Variants in GRK5 observed in about 807,000 individuals in gnomAD.
The protein encoded by GRK5 is g protein-coupled receptor kinase GRK5.
Under a neutral mutation model 78.4 loss-of-function variants are expected in GRK5, and 40 were observed. The ratio of observed to expected loss-of-function variants is 0.51; its 90% CI spans 0.40 to 0.66. The LOEUF is 0.66. Among genes scored for constraint, GRK5 ranks in the 30% least tolerant of loss-of-function variants. The probability of loss-of-function intolerance (pLI) is 0.00; values close to 1 mark genes in which losing one functional copy is unlikely to be tolerated. For missense variants in GRK5, 598 were observed against 759.9 expected (o/e 0.79, Z 2.50); for synonymous variants, 289 against 296.8 (o/e 0.97, Z 0.27).
At chr10:119,277,600 A>G (rs1849690768) in intron 1 of GRK5, among the ~76,000 whole-genome samples, 1 of 152,220 alleles carries the variant, frequency 6.6e-6, no homozygotes, top group African/African-American at 2.4e-5. Context: ...AGCCACACAT[A>G]TTTAAAGAAT....
intron 2 of GRK5, among the ~76,000 whole-genome samples, chr10:119,371,001 A>G (rs7912371): frequency 0.035 from 4,010 of 114,016 alleles, 99 homozygotes; most frequent in South Asian, 0.11. Flanking sequence ...CACAACCTTT[A>G]CAATCAACAT....
chr10:119,338,393 A>G (rs1395755118), intron 2 of GRK5, among the ~76,000 whole-genome samples: 1 of 152,206 alleles, frequency 6.6e-6, no homozygotes, highest in East Asian at 1.9e-4. Flanking sequence ...AAAGAAAGTC[A>G]CCGCTAATTT....
chr10:119,311,914 A>ACTTTTTTTTTTTT (rs34048341), intron 1 of GRK5, among the ~76,000 whole-genome samples: 6 of 137,814 alleles, frequency 4.4e-5, no homozygotes, highest in African/African-American at 5.5e-5. Flanking sequence ...TGAATTGTTC[A>ACTTTTTTTTTTTT]TTTTTTTTTT....
intron 1 of GRK5, among the ~76,000 whole-genome samples, chr10:119,293,059 A>T (rs1230880946): frequency 2.0e-5 from 3 of 152,232 alleles, no homozygotes; most frequent in Non-Finnish European, 2.9e-5. Flanking sequence ...AGCCGTATGA[A>T]CAAGAATTTT....
At chr10:119,234,748 A>G (rs1174553307) in intron 1 of GRK5, among the ~76,000 whole-genome samples, 1 of 151,026 alleles carries the variant, frequency 6.6e-6, no homozygotes, top group African/African-American at 2.4e-5. Flanking sequence ...GCTGGAGTGC[A>G]GTGGCACGAT....
At position 119,378,511 on chromosome 10, in the gene GRK5, A is replaced by T. The variant is rs1246814327; in HGVS notation, c.149-2304A>T. Among the ~76,000 whole-genome samples, 1 of 152,242 alleles carries T rather than the reference A, an allele frequency of 6.6e-6. No homozygotes were observed. The highest frequency in any genetic ancestry group is 1.5e-5 in the Non-Finnish European group (1 of 68,038). ...TCCCAAAAAAACCTTGCCCTCAGGT[A>T]GGTTACCCATGAAAGAAGGGGGCCT... is the stretch of plus-strand genomic sequence containing the variant. On this transcript the variant is annotated intron_variant, in intron 2 of 15. Transcript: ENST00000392870. The surrounding 1 kb of genome is among the most constrained non-coding windows in gnomAD (Gnocchi z 4.5).
At chr10:119,332,712 C>T (rs1246104307) in intron 2 of GRK5, among the ~76,000 whole-genome samples, 1 of 152,008 alleles carries the variant, frequency 6.6e-6, no homozygotes, top group Non-Finnish European at 1.5e-5. Context: ...ATCTTGGATC[C>T]TTCCCTCCTC....
chr10:119,281,948 A>G (rs1420314796), intron 1 of GRK5, among the ~76,000 whole-genome samples: 2 of 152,072 alleles, frequency 1.3e-5, no homozygotes, highest in Non-Finnish European at 2.9e-5. Context: ...AATCCTGGAG[A>G]CATCTGTTGA....
Position 119,425,202 on chromosome 10 carries a change from C to A in GRK5, c.533+117C>A. The A allele has an allele frequency of 2.9e-6, 2 of 684,906 alleles. 1 individual carries two copies. Among genetic ancestry groups the A allele is most frequent in the Admixed American group, 4.4e-5 (2 of 45,136 alleles). 42.4% of individuals were successfully genotyped at this position (684,906 alleles called of 1,614,324 possible). Reference sequence around the variant, plus strand: ...GCTCATGGTTAAAACAAAATTAACCCGACTCCCCCTGTTAATTAAGTTGTG... The same window carrying A: ...GCTCATGGTTAAAACAAAATTAACCAGACTCCCCCTGTTAATTAAGTTGTG... On this transcript the variant is annotated intron_variant, in intron 6 of 15. Transcript: ENST00000392870.
At chr10:119,441,257 G>A (rs994649713) in intron 10 of GRK5, among the ~76,000 whole-genome samples, 5 of 152,300 alleles carry the variant, frequency 3.3e-5, no homozygotes, top group South Asian at 2.1e-4. Flanking sequence ...CCAGCCTGGC[G>A]GGGTCTCGAC....
intron 2 of GRK5, among the ~76,000 whole-genome samples, chr10:119,353,499 C>G (rs986474111): frequency 6.6e-6 from 1 of 152,226 alleles, no homozygotes; most frequent in African/African-American, 2.4e-5. Flanking sequence ...TCCTTGGCAA[C>G]ACTGTTAGAC....
chr10:119,348,440 T>C (rs978395257), intron 2 of GRK5, among the ~76,000 whole-genome samples: 12 of 152,218 alleles, frequency 7.9e-5, no homozygotes, highest in African/African-American at 2.9e-4. Context: ...GAGAAGAAGC[T>C]CCCTGCTCGG....
In GRK5 at chr10:119,207,827, G is replaced by GGCGGCAGCCCGAGCAGCGGCA; in HGVS notation, c.-88_-68dup. On this transcript the variant is annotated 5_prime_UTR_variant, in exon 1 of 16. Coordinates refer to ENST00000392870, the MANE Select transcript of GRK5 (RefSeq NM_005308.3). ...TGGCTCCCCCGGCTCCGGCAGCAGC[G>GGCGGCAGCCCGAGCAGCGGCA]GCGGCAGCCCGAGCAGCGGCAGCAG... The GGCGGCAGCCCGAGCAGCGGCA allele has an allele frequency of 3.2e-6, 4 of 1,257,450 alleles. No individual in the cohort carries two copies. In the South Asian group the frequency reaches 5.6e-5, roughly 18 times the overall value. The allele number at this position is 1,257,450 out of a possible 1,614,324, so 77.9% of individuals were successfully genotyped here. A position where few individuals can be genotyped will look rare whatever the true frequency, so the allele number is the denominator to read the frequency against.
At chr10:119,358,749 G>A (rs1851307842) in intron 2 of GRK5, among the ~76,000 whole-genome samples, 1 of 152,180 alleles carries the variant, frequency 6.6e-6, no homozygotes. Context: ...AGGCTGCTAT[G>A]ACAAAATACC....
In GRK5 at chr10:119,453,249, G is replaced by T. The variant is rs1340848474; in HGVS notation, c.1647G>T (p.Gly549=). The T allele has an allele frequency of 6.2e-7, 1 of 1,614,084 alleles. No individual in the cohort carries two copies. Among genetic ancestry groups the T allele is most frequent in the Non-Finnish European group, 8.5e-7 (1 of 1,180,000 alleles). ...ACCCTCCGGAACCGCCCAAGAAAGG[G>T]CTGCTCCAGAGACTCTTCAAGCGGC... ...RNHPPEPPKK[G]LLQRLFKRQH... is the part of the protein sequence containing the mutation. Residue 549 remains glycine, a synonymous_variant, in exon 15 of 16, where the codon GGG becomes GGT. Transcript: ENST00000392870.
At chr10:119,406,139 T>A (rs1474041860) in intron 4 of GRK5, among the ~76,000 whole-genome samples, 1 of 152,204 alleles carries the variant, frequency 6.6e-6, no homozygotes, top group Non-Finnish European at 1.5e-5. Context: ...TTGCAGGAGA[T>A]CCAAAGAGAA....
intron 1 of GRK5, among the ~76,000 whole-genome samples, chr10:119,324,203 G>A (rs546406455): frequency 6.6e-6 from 1 of 152,356 alleles, no homozygotes; most frequent in South Asian, 2.1e-4. Context: ...AATAGCAAGA[G>A]CCAGGGCCCA....
intron 3 of GRK5, among the ~76,000 whole-genome samples, chr10:119,392,646 C>T (rs1024444988): frequency 6.6e-6 from 1 of 152,110 alleles, no homozygotes; most frequent in African/African-American, 2.4e-5. Context: ...TCAGGTGATC[C>T]GCCCGCCTCG....
At chr10:119,386,296 G>A (rs1032613771) in intron 3 of GRK5, among the ~76,000 whole-genome samples, 6 of 152,154 alleles carry the variant, frequency 3.9e-5, no homozygotes, top group Admixed American at 3.3e-4. Context: ...AAGATGCCCC[G>A]GACCAAGGGC....
Sources: gnomAD v4.1 joint callset for allele counts (sites outside exome capture counted in the v4.1 genomes callset) on GRCh38, gnomAD v4.1.1 for gene constraint, Gnocchi (gnomAD v3.1) non-coding constraint, MANE v1.5 for transcripts, NCBI Gene and HGNC (gene_info 2026-07-23, HGNC 2026-07-21) for gene names.